The following DAB1 variants were observed in gnomAD, a reference collection of about 807,000 sequenced individuals.
DAB1 encodes DAB adaptor protein 1.
DAB1 carries 15 observed loss-of-function variants against 64.6 expected under a neutral mutation model. The observed-to-expected ratio is 0.23, with a 90% CI of 0.16 to 0.36. The LOEUF is 0.36. Ranked by LOEUF, DAB1 falls within the 10% of genes least tolerant of loss-of-function variation. The pLI, the probability that DAB1 is intolerant of heterozygous loss-of-function variation, is 1.00. For missense variants in DAB1, 596 were observed against 706.7 expected (o/e 0.84, Z 1.78); for synonymous variants, 235 against 251.9 (o/e 0.93, Z 0.64).
intron 4 of DAB1, among the ~76,000 whole-genome samples, chr1:57,101,583 A>T (rs2100693001): frequency 6.6e-6 from 1 of 152,348 alleles, no homozygotes; most frequent in Admixed American, 6.5e-5. Context: ...CCATTGAAAT[A>T]AAAAGAAAGC....
chr1:58,443,151 G>A (rs1645030684), intron 3 of DAB1, among the ~76,000 whole-genome samples: 1 of 152,064 alleles, frequency 6.6e-6, no homozygotes, highest in Admixed American at 6.6e-5. Context: ...GACAAACGGT[G>A]GACCAGCTCT....
rs911362123 is a variant in DAB1 at position 58,049,300 on chromosome 1, G to A, written n.387+101211C>T. The A allele has an allele frequency of 1.5e-5, 10 of 678,468 alleles. No homozygotes were observed. In the Admixed American group the frequency reaches 1.8e-4, roughly 12 times the overall value. 42.0% of individuals were successfully genotyped at this position (678,468 alleles called of 1,614,324 possible). On this transcript the variant is annotated intron_variant and non_coding_transcript_variant, in intron 5 of 20. Transcript: ENST00000485760. ...GACTCTGACTTAGACAGGATGGCAG[G>A]GAGAAGAGAGACTTTAACGATGCTT...
At chr1:58,352,105 T>A (rs1246637370) in intron 3 of DAB1, among the ~76,000 whole-genome samples, 1 of 151,920 alleles carries the variant, frequency 6.6e-6, no homozygotes, top group Non-Finnish European at 1.5e-5. Context: ...GGCATCCTGT[T>A]ATCTCAGACA....
rs538820001 is a variant in DAB1, at chr1:57,843,155, C to A, written n.88-16700G>T. ...TATCACTTTTGCACCATCATAAAGT[C>A]TAAAAATCATAAGTTGAACCCTGTA... On this transcript the variant is annotated intron_variant and non_coding_transcript_variant, in intron 1 of 1. Coordinates refer to the DAB1 transcript ENST00000477280. Among the ~76,000 whole-genome samples, 311 of 152,312 alleles carry A rather than the reference C, an allele frequency of 2.0e-3. 1 individual carries two copies. Among genetic ancestry groups the A allele is most frequent in the Non-Finnish European group, 3.8e-3 (261 of 68,020 alleles).
intron 5 of DAB1, among the ~76,000 whole-genome samples, chr1:58,045,935 A>ATT (rs61118687): frequency 2.3e-4 from 33 of 145,202 alleles, no homozygotes; most frequent in East Asian, 4.1e-4. Flanking sequence ...AAGATTATCA[A>ATT]TTTTTTTTTT....
intron 3 of DAB1, among the ~76,000 whole-genome samples, chr1:58,400,752 T>G (rs1644561904): frequency 1.3e-5 from 2 of 152,194 alleles, no homozygotes; most frequent in African/African-American, 4.8e-5. Context: ...TAAAGCAAAT[T>G]TTATTATAAT....
At chr1:57,853,501 T>C (rs577263113) in intron 1 of DAB1, among the ~76,000 whole-genome samples, 1 of 152,214 alleles carries the variant, frequency 6.6e-6, no homozygotes, top group South Asian at 2.1e-4. Context: ...GAAATGCATT[T>C]AAAATGAAAA....
At chr1:57,541,773 C>T (rs1441214778) in intron 7 of DAB1, among the ~76,000 whole-genome samples, 3 of 152,172 alleles carry the variant, frequency 2.0e-5, no homozygotes, top group African/African-American at 7.2e-5. Context: ...GATACTATTT[C>T]AGATATTCCT....
At chr1:57,653,698 T>C (rs974228472) in intron 6 of DAB1, among the ~76,000 whole-genome samples, 12 of 152,158 alleles carry the variant, frequency 7.9e-5, no homozygotes, top group Non-Finnish European at 1.5e-4. Context: ...CTGCAACCTC[T>C]GCCTCCCCAG....
chr1:57,664,279 G>T (rs959517554), intron 6 of DAB1, among the ~76,000 whole-genome samples: 1 of 152,024 alleles, frequency 6.6e-6, no homozygotes, highest in Non-Finnish European at 1.5e-5. Context: ...AAGCAAATAA[G>T]GGATTTTTCA....
At chr1:58,258,250 G>A (rs1262738083) in intron 4 of DAB1, among the ~76,000 whole-genome samples, 1 of 152,100 alleles carries the variant, frequency 6.6e-6, no homozygotes, top group Admixed American at 6.5e-5. Context: ...CAGACACGCC[G>A]GGGGCACCAA....
rs572933802 is a variant in DAB1 at position 57,799,176 on chromosome 1, G to A, written n.551+84823C>T. The stretch of plus-strand genomic sequence containing the variant: ...TCTCTGTGAAGGTGAAATGAGATTC[G>A]ATGAACGGAAAGCCTTTGGGATAAT... On this transcript the variant is annotated intron_variant and non_coding_transcript_variant, in intron 6 of 20. Transcript: ENST00000485760. 2.2e-3 allele frequency among the ~76,000 whole-genome samples: 328 copies of A among 152,240 alleles called. 2 individuals carry two copies. Among genetic ancestry groups the A allele is most frequent in the African/African-American group, 7.6e-3 (316 of 41,536 alleles).
At chr1:57,938,254 G>A (rs1335345720) in intron 5 of DAB1, among the ~76,000 whole-genome samples, 1 of 152,198 alleles carries the variant, frequency 6.6e-6, no homozygotes, top group Non-Finnish European at 1.5e-5. Context: ...GCTCAGTACA[G>A]GGTTTTAAAA....
Position 58,074,186 on chromosome 1 carries a change from T to C in DAB1, n.387+76325A>G, listed in dbSNP as rs375753727. ...TTTAGCTGACTTCAAAGGTTGCAGA[T>C]AGGAGGAAGGGTACCACATGAAGGA... On this transcript the variant is annotated intron_variant and non_coding_transcript_variant, in intron 5 of 20. Transcript: ENST00000485760. Among the ~76,000 whole-genome samples, 18 of 152,152 alleles carry C rather than the reference T, an allele frequency of 1.2e-4. No individual in the cohort carries two copies. The East Asian group carries it at 1.5e-3, about 13-fold the overall frequency.
At chr1:57,596,181 ATTC>A (rs1368377654) in intron 7 of DAB1, among the ~76,000 whole-genome samples, 1 of 152,196 alleles carries the variant, frequency 6.6e-6, no homozygotes, top group Non-Finnish European at 1.5e-5. Context: ...CCATTCGAAC[ATTC>A]TTCTGAAAGT....
intron 2 of DAB1, among the ~76,000 whole-genome samples, chr1:57,250,389 A>G (rs1669244985): frequency 6.6e-6 from 1 of 152,184 alleles, no homozygotes; most frequent in Non-Finnish European, 1.5e-5. Context: ...AAATATATAA[A>G]AGTAAAATAC....
intron 6 of DAB1, chr1:57,649,687 T>C (rs1038801493): frequency 2.0e-5 from 3 of 152,234 alleles, no homozygotes; most frequent in Non-Finnish European, 4.4e-5. Flanking sequence ...CAAAACATGA[T>C]ATTTAAAAAA....
rs531360996 is a variant in DAB1 at position 57,105,441 on chromosome 1, C to A, written c.306+31102G>T. On this transcript the variant is annotated intron_variant, in intron 4 of 14. Coordinates refer to ENST00000371236, the MANE Select transcript of DAB1 (RefSeq NM_001365792.1). Reference sequence around the variant, plus strand: ...TTCCATCCCCCTGTTGTTTGCTGCTCCAAGGAAAGGTGGGAGCAGCCGCAG... The same window carrying A: ...TTCCATCCCCCTGTTGTTTGCTGCTACAAGGAAAGGTGGGAGCAGCCGCAG... Among the ~76,000 whole-genome samples, 5 of 152,074 alleles carry A rather than the reference C, an allele frequency of 3.3e-5. No individual in the cohort carries two copies. The South Asian group carries it at 1.0e-3, about 32-fold the overall frequency.
At chr1:57,501,608 C>T (rs976028776) in intron 7 of DAB1, among the ~76,000 whole-genome samples, 3 of 152,138 alleles carry the variant, frequency 2.0e-5, no homozygotes, top group Non-Finnish European at 2.9e-5. Flanking sequence ...GCTATATTCA[C>T]GCAACAAATT....
Sources: allele counts gnomAD v4.1 joint callset (sites outside exome capture counted in the v4.1 genomes callset), GRCh38; gene constraint gnomAD v4.1.1; transcripts MANE v1.5; gene names NCBI Gene and HGNC (gene_info 2026-07-23, HGNC 2026-07-21).